The following EOGT variants were observed in gnomAD, a reference collection of about 807,000 sequenced individuals.
EOGT encodes the protein EGF domain-specific O-linked N-acetylglucosamine transferase.
A neutral mutation model predicts 70.5 loss-of-function variants in EOGT; 55 were observed. The observed-to-expected ratio is 0.78, with a 90% CI of 0.63 to 0.98. The LOEUF (loss-of-function observed/expected upper bound fraction) is 0.98. Ranked by LOEUF, EOGT falls within the 50% of genes least tolerant of loss-of-function variation. The pLI is 0.00. For missense variants in EOGT, 703 were observed against 641.9 expected (o/e 1.10, Z -1.03); for synonymous variants, 246 against 217.1 (o/e 1.13, Z -1.17).
At chr3:68,980,647 C>G (rs536215996) in intron 15 of EOGT, among the ~76,000 whole-genome samples, 20 of 152,262 alleles carry the variant, frequency 1.3e-4, no homozygotes, top group African/African-American at 4.8e-4. Context: ...CCTTTTACAC[C>G]AGCTAACAAC....
At position 69,007,419 on chromosome 3, in the gene EOGT, G is replaced by A. The variant is rs181255673; in HGVS notation, c.420+294C>T. 3.2e-3 allele frequency among the ~76,000 whole-genome samples: 477 copies of A among 150,878 alleles called. 2 individuals carry two copies. The highest frequency in any genetic ancestry group is 0.011 in the African/African-American group (458 of 41,092). The stretch of plus-strand genomic sequence containing the variant: ...TGTAATCCCAGCACTTTGGGAGGCT[G>A]AGGTGGGTGGATCCCTTGAGGTCAG... On this transcript the variant is annotated intron_variant, in intron 6 of 17. Coordinates refer to ENST00000383701, the MANE Select transcript of EOGT (RefSeq NM_001278689.2).
intron 3 of EOGT, among the ~76,000 whole-genome samples, chr3:69,010,113 C>A (rs2091540804): frequency 6.6e-6 from 1 of 152,162 alleles, no homozygotes; most frequent in African/African-American, 2.4e-5. Context: ...TCTCATGGTG[C>A]CTTTAAACCT....
intron 15 of EOGT, among the ~76,000 whole-genome samples, chr3:68,981,995 C>T (rs1291697169): frequency 2.0e-5 from 3 of 152,026 alleles, no homozygotes; most frequent in Non-Finnish European, 4.4e-5. Context: ...CAACTTCTAC[C>T]TCCTGGGTTC....
rs185769724 is a variant in EOGT, at chr3:68,977,134, T to G, written c.*484A>C. On this transcript the variant is annotated 3_prime_UTR_variant, in exon 18 of 18. Coordinates refer to ENST00000383701, the MANE Select transcript of EOGT (RefSeq NM_001278689.2). ...GAGATCATGCCACTGCACTCCAGCC[T>G]GGGTGACAGAGTGAAACTGTATCTC... 5.6e-3 allele frequency: 903 copies of G among 160,284 alleles called. 14 individuals are homozygous for G. Among genetic ancestry groups the G allele is most frequent in the African/African-American group, 0.021 (872 of 41,590 alleles). 9.9% of individuals were successfully genotyped at this position (160,284 alleles called of 1,614,324 possible). A position where few individuals can be genotyped will look rare whatever the true frequency, so the allele number is the denominator to read the frequency against.
rs377246248 is a variant in EOGT at position 68,977,571 on chromosome 3, T to A, written c.*47A>T. 3.1e-6 allele frequency: 5 copies of A among 1,587,580 alleles called. No homozygotes were observed. The African/African-American group carries it at 4.0e-5, about 13-fold the overall frequency. On this transcript the variant is annotated 3_prime_UTR_variant, in exon 18 of 18. Coordinates refer to ENST00000383701, the MANE Select transcript of EOGT (RefSeq NM_001278689.2). ...TTACTGATTTAATTCTAAGTCTGGG[T>A]GTTGGAGTGTTTAAACACTCTCTTT...
At chr3:68,994,164 T>C (rs1041296867) in intron 10 of EOGT, among the ~76,000 whole-genome samples, 1 of 152,158 alleles carries the variant, frequency 6.6e-6, no homozygotes, top group Admixed American at 6.5e-5. Context: ...TATATTGTCA[T>C]AACACATATA....
chr3:68,977,534 T>C lies in EOGT; in HGVS notation c.*84A>G. The C allele has an allele frequency of 2.1e-6, 3 of 1,441,976 alleles. No individual in the cohort carries two copies. Among genetic ancestry groups the C allele is most frequent in the Non-Finnish European group, 2.9e-6 (3 of 1,038,364 alleles). The allele number at this position is 1,441,976 out of a possible 1,614,324, so 89.3% of individuals were successfully genotyped here. Reference sequence around the variant, plus strand: ...GAAAAGGTAATTCGGGGATAGGAAATAACAGATTGCTTTACTGATTTAATT... The same window carrying C: ...GAAAAGGTAATTCGGGGATAGGAAACAACAGATTGCTTTACTGATTTAATT... On this transcript the variant is annotated 3_prime_UTR_variant, in exon 18 of 18. Transcript: ENST00000383701.
intron 10 of EOGT, among the ~76,000 whole-genome samples, chr3:68,990,157 G>C (rs2090949203): frequency 6.6e-6 from 1 of 151,934 alleles, no homozygotes; most frequent in Non-Finnish European, 1.5e-5. Context: ...CCACCCACAA[G>C]CCTAATGAGT....
chr3:68,987,926 T>C (rs1559593517), intron 13 of EOGT: 2 of 321,992 alleles, frequency 6.2e-6, no homozygotes. Flanking sequence ...TGTTTTTGGG[T>C]TTTGTTTTGG....
intron 15 of EOGT, among the ~76,000 whole-genome samples, chr3:68,981,513 A>C (rs896827075): frequency 3.9e-5 from 6 of 152,202 alleles, no homozygotes; most frequent in Admixed American, 3.3e-4. Flanking sequence ...GGACATGGAG[A>C]CAGAAGTTTT....
chr3:68,996,570 C>T (rs909253825), intron 10 of EOGT, among the ~76,000 whole-genome samples: 2 of 152,224 alleles, frequency 1.3e-5, no homozygotes, highest in Non-Finnish European at 2.9e-5. Context: ...TTTGCCAACA[C>T]AGCTGTGTCA....
Position 69,004,396 on chromosome 3 carries a change from T to C in EOGT, c.602A>G (p.Lys201Arg), listed in dbSNP as rs756055989. The C allele has an allele frequency of 3.1e-6, 5 of 1,613,850 alleles. No individual in the cohort carries two copies. The South Asian group carries it at 3.3e-5, about 11-fold the overall frequency. The change falls in exon 8 of 18, where the codon AAA becomes AGA. Residue 201 changes from lysine (K) to arginine (R), a missense_variant. Transcript: ENST00000383701. ...IRTLTSEGQR[K>R]SPLQSWFAEL... is the part of the protein sequence containing the mutation. ...ATCTTACCATGACTGCAGAGGGCTT[T>C]TGCGCTGACCTTCAGACGTCAATGT...
At chr3:68,988,903 A>C (rs1575730517) in intron 11 of EOGT, 22 bp downstream of exon 11, 2 of 1,345,748 alleles carry the variant, frequency 1.5e-6, no homozygotes, top group East Asian at 5.0e-5. Flanking sequence ...ATTCACAGAC[A>C]TTTCAGGAAA....
chr3:68,988,722 T>C, intron 11 of EOGT, 145 bp from the exon 12 acceptor site: 2 of 649,348 alleles, frequency 3.1e-6, no homozygotes, highest in Non-Finnish European at 5.1e-6. Context: ...GAGAACAGAA[T>C]TCATATTTTT....
intron 10 of EOGT, among the ~76,000 whole-genome samples, chr3:68,991,175 G>C (rs1030468446): frequency 6.6e-6 from 1 of 152,144 alleles, no homozygotes; most frequent in Non-Finnish European, 1.5e-5. Flanking sequence ...ACCTCCAAAA[G>C]CTTCTTTTCC....
intron 16 of EOGT, among the ~76,000 whole-genome samples, chr3:68,979,085 G>T (rs1340615845): frequency 6.6e-6 from 1 of 152,122 alleles, no homozygotes; most frequent in South Asian, 2.1e-4. Context: ...ACATAATGGG[G>T]GGAAACAGGT....
At chr3:68,982,488 C>A (rs1288918297) in intron 15 of EOGT, among the ~76,000 whole-genome samples, 1 of 152,108 alleles carries the variant, frequency 6.6e-6, no homozygotes, top group Non-Finnish European at 1.5e-5. Context: ...CCACTGCACT[C>A]CAGCCTGGGT....
intron 10 of EOGT, among the ~76,000 whole-genome samples, chr3:68,994,745 C>T (rs1348505139): frequency 2.0e-5 from 3 of 152,130 alleles, no homozygotes; most frequent in Admixed American, 6.5e-5. Context: ...GAGGCAAGAT[C>T]GCGACACTGC....
At position 68,977,542 on chromosome 3, in the gene EOGT, T is replaced by C. The variant is rs2090505465; in HGVS notation, c.*76A>G. 2.7e-6 allele frequency: 4 copies of C among 1,480,910 alleles called. No homozygotes were observed. The highest frequency in any genetic ancestry group is 3.7e-6 in the Non-Finnish European group (4 of 1,073,322). The allele number at this position is 1,480,910 out of a possible 1,614,324, so 91.7% of individuals were successfully genotyped here. On this transcript the variant is annotated 3_prime_UTR_variant, in exon 18 of 18. Coordinates refer to ENST00000383701, the MANE Select transcript of EOGT (RefSeq NM_001278689.2). ...AATTCGGGGATAGGAAATAACAGAT[T>C]GCTTTACTGATTTAATTCTAAGTCT...
Sources: allele counts gnomAD v4.1 joint callset (sites outside exome capture counted in the v4.1 genomes callset), GRCh38; gene constraint gnomAD v4.1.1; transcripts MANE v1.5; gene names NCBI Gene and HGNC (gene_info 2026-07-23, HGNC 2026-07-21).